SLC26A4: variants seen among roughly 807,000 people sequenced by gnomAD.
The protein encoded by SLC26A4 is solute carrier family 26 member 4.
A neutral mutation model predicts 90.4 loss-of-function variants in SLC26A4; 93 were observed. The observed-to-expected ratio is 1.03, with a 90% CI of 0.87 to 1.22. The LOEUF (loss-of-function observed/expected upper bound fraction) is 1.22. Ranked by LOEUF, SLC26A4 falls within the 50% of genes most tolerant of loss-of-function variation. The probability of loss-of-function intolerance (pLI) is 0.00; values close to 1 mark genes in which losing one functional copy is unlikely to be tolerated. For synonymous variants in SLC26A4, 393 were observed against 354.6 expected (o/e 1.11, Z -1.22); for missense variants, 1,127 against 946.2 (o/e 1.19, Z -2.51).
At chr7:107,666,249 TC>T (rs1205032516) in intron 3 of SLC26A4, among the ~76,000 whole-genome samples, 1 of 152,170 alleles carries the variant, frequency 6.6e-6, no homozygotes, top group East Asian at 1.9e-4. Context: ...TGAGACAGGG[TC>T]TTGCTCTGTT....
At chr7:107,684,614 G>A (rs1238966653) in intron 8 of SLC26A4, among the ~76,000 whole-genome samples, 2 of 152,096 alleles carry the variant, frequency 1.3e-5, no homozygotes, top group Admixed American at 1.3e-4. Context: ...TTACCCTTTT[G>A]TAAGAATCAC....
chr7:107,669,226 G>A (rs1790799623), intron 3 of SLC26A4, among the ~76,000 whole-genome samples: 1 of 152,128 alleles, frequency 6.6e-6, no homozygotes, highest in Non-Finnish European at 1.5e-5. Context: ...CGAAATGCTA[G>A]GATTACAATC....
Position 107,683,465 on chromosome 7 carries a change from C to G in SLC26A4, c.929C>G (p.Ala310Gly). ...IPIEVIVTII[A>G]TAISYGANLE... ...TTTGTTTTATTTCAGACGATAATTG[C>G]TACTGCCATTTCATATGGAGCCAAC... Residue 310 changes from alanine (A) to glycine (G), a missense_variant, in exon 8 of 21, where the codon GCT (alanine) becomes GGT (glycine). Coordinates refer to ENST00000644269, the MANE Select transcript of SLC26A4 (RefSeq NM_000441.2). The G allele has an allele frequency of 6.2e-7, 1 of 1,613,678 alleles. No homozygotes were observed. Among genetic ancestry groups the G allele is most frequent in the African/African-American group, 1.3e-5 (1 of 75,014 alleles).
At chr7:107,700,525 T>C (rs939807068) in intron 15 of SLC26A4, among the ~76,000 whole-genome samples, 4 of 152,178 alleles carry the variant, frequency 2.6e-5, no homozygotes, top group Non-Finnish European at 4.4e-5. Context: ...TGTGCGGCAG[T>C]TGGCTGAAGG....
At chr7:107,708,288 T>TTAAAAA (rs1214000329) in intron 18 of SLC26A4, among the ~76,000 whole-genome samples, 1 of 152,260 alleles carries the variant, frequency 6.6e-6, no homozygotes, top group East Asian at 1.9e-4. Context: ...CATTTGGTCC[T>TTAAAAA]ATACTTCCTT....
intron 3 of SLC26A4, among the ~76,000 whole-genome samples, chr7:107,666,265 A>C (rs566569217): frequency 6.6e-6 from 1 of 152,324 alleles, no homozygotes; most frequent in South Asian, 2.1e-4. Context: ...TCTGTTGCGC[A>C]GGCTGGAGTG....
Position 107,701,123 on chromosome 7 carries a change from T to G in SLC26A4, c.1730T>G (p.Val577Gly), listed in dbSNP as rs56017519. ...AAGGTTGGATTTGATGCCATTAGAGTATATAATAAGAGGCTGAAAGCGCTG... is the reference window on the plus strand; with the variant it reads ...AAGGTTGGATTTGATGCCATTAGAGGATATAATAAGAGGCTGAAAGCGCTG... ...KSTVGFDAIR[V>G]YNKRLKALRK... The change falls in exon 16 of 21, where the codon GTA becomes GGA. Residue 577 changes from valine to glycine, a missense_variant. By Grantham distance (109) the Val-to-Gly change is moderately radical. Transcript: ENST00000644269. 6.2e-7 allele frequency: 1 copy of G among 1,608,054 alleles called. No individual in the cohort carries two copies. The highest frequency in any genetic ancestry group is 1.1e-5 in the South Asian group (1 of 90,946).
intron 3 of SLC26A4, among the ~76,000 whole-genome samples, chr7:107,671,578 C>T (rs1276006392): frequency 2.0e-5 from 3 of 152,208 alleles, no homozygotes; most frequent in Admixed American, 1.3e-4. Flanking sequence ...TAGATGCAAT[C>T]ATTGTTCCAG....
rs996850359 is a variant in SLC26A4, at chr7:107,701,327, A to G, written c.1803+131A>G. ...TGAACAAATGACATGTACGTATCAA[A>G]GAACAACTGAGCTATTCTTATAGGC... On this transcript the variant is annotated intron_variant, in intron 16 of 20. Transcript: ENST00000644269. 4.2e-5 allele frequency: 29 copies of G among 694,426 alleles called. No homozygotes were observed. The African/African-American group carries it at 5.1e-4, about 12-fold the overall frequency. 43.0% of individuals were successfully genotyped at this position (694,426 alleles called of 1,614,324 possible). A position where few individuals can be genotyped will look rare whatever the true frequency, so the allele number is the denominator to read the frequency against.
At chr7:107,701,684 G>A (rs59103472) in intron 16 of SLC26A4, 143 bp from the exon 17 acceptor site, 2 of 682,092 alleles carry the variant, frequency 2.9e-6, no homozygotes, top group East Asian at 2.7e-5. Context: ...TTTGGGCTGA[G>A]GTGAAACCCA....
intron 6 of SLC26A4, among the ~76,000 whole-genome samples, chr7:107,678,850 A>G (rs1420369420): frequency 6.6e-6 from 1 of 152,238 alleles, no homozygotes; most frequent in Non-Finnish European, 1.5e-5. Flanking sequence ...TATACATGAA[A>G]GAATCCTTCA....
At chr7:107,668,307 G>A (rs780113592) in intron 3 of SLC26A4, among the ~76,000 whole-genome samples, 12 of 152,170 alleles carry the variant, frequency 7.9e-5, no homozygotes, top group Non-Finnish European at 1.2e-4. Context: ...AAGACAGGAA[G>A]GTGTGGAGGA....
intron 8 of SLC26A4, among the ~76,000 whole-genome samples, chr7:107,685,565 C>A (rs1791374403): frequency 6.6e-6 from 1 of 152,194 alleles, no homozygotes; most frequent in African/African-American, 2.4e-5. Context: ...ATAAGTTAGT[C>A]CCCAATAACA....
At chr7:107,663,227 A>G in intron 2 of SLC26A4, 69 bp from the exon 3 acceptor site, 2 of 1,534,788 alleles carry the variant, frequency 1.3e-6, no homozygotes, top group Non-Finnish European at 1.8e-6. Context: ...CCAGTTCATA[A>G]CTTTGTGATT....
At chr7:107,699,414 A>C (rs1381178640) in intron 14 of SLC26A4, among the ~76,000 whole-genome samples, 1 of 152,106 alleles carries the variant, frequency 6.6e-6, no homozygotes, top group Admixed American at 6.6e-5. Flanking sequence ...AATCCCATTG[A>C]TTTTGCTTTT....
At chr7:107,684,147 T>C (rs1791331028) in intron 8 of SLC26A4, among the ~76,000 whole-genome samples, 1 of 152,200 alleles carries the variant, frequency 6.6e-6, no homozygotes, top group South Asian at 2.1e-4. Context: ...CAACTCAAGC[T>C]TATTATGAAA....
At chr7:107,694,530 T>TCTACTTCCCTTCA in intron 11 of SLC26A4, 50 bp downstream of exon 11, 1 of 1,533,754 alleles carries the variant, frequency 6.5e-7, no homozygotes, top group Non-Finnish European at 9.0e-7. Flanking sequence ...CCTTCACTAC[T>TCTACTTCCCTTCA]CTGCTACCAG....
At position 107,671,085 on chromosome 7, in the gene SLC26A4, C is replaced by T. The variant is rs186893588; in HGVS notation, c.305-1053C>T. On this transcript the variant is annotated intron_variant, in intron 3 of 20. Transcript: ENST00000644269. ...GTAACAATGACTGTGTCCCTCAGAA[C>T]GCAGAGAAATATTGAGCTCAGACAC... Among the ~76,000 whole-genome samples the T allele has an allele frequency of 9.8e-5, 15 of 152,290 alleles. No homozygotes were observed. In the East Asian group the frequency reaches 1.9e-3, roughly 20 times the overall value.
intron 7 of SLC26A4, 23 bp from the exon 8 acceptor site, chr7:107,683,432 T>A (rs1045200200): frequency 6.2e-7 from 1 of 1,612,454 alleles, no homozygotes; most frequent in Non-Finnish European, 8.5e-7. Context: ...ATGGAGTTTT[T>A]AACATCTTTT....
Sources: allele counts gnomAD v4.1 joint callset (sites outside exome capture counted in the v4.1 genomes callset), GRCh38; gene constraint gnomAD v4.1.1; transcripts MANE v1.5; gene names NCBI Gene and HGNC (gene_info 2026-07-23, HGNC 2026-07-21).